The following CABIN1 variants were observed in gnomAD, a reference collection of about 807,000 sequenced individuals.
CABIN1 encodes the protein calcineurin-binding protein cabin-1.
Under a neutral mutation model 227.7 loss-of-function variants are expected in CABIN1, and 133 were observed. The ratio of observed to expected loss-of-function variants is 0.58; its 90% confidence interval spans 0.51 to 0.67. The LOEUF (loss-of-function observed/expected upper bound fraction) is 0.67. Among genes scored for constraint, CABIN1 ranks in the 30% least tolerant of loss-of-function variants. The pLI is 0.00. For missense variants in CABIN1, 2,408 were observed against 2,852.5 expected (o/e 0.84, Z 3.55); for synonymous variants, 1,086 against 1,155.1 (o/e 0.94, Z 1.21).
chr22:24,034,639 T>C (rs1334180510), intron 1 of CABIN1, among the ~76,000 whole-genome samples: 5 of 152,204 alleles, frequency 3.3e-5, no homozygotes, highest in African/African-American at 1.2e-4. Flanking sequence ...TGGAATTCCC[T>C]GGTCATATGC....
chr22:24,061,688 G>A (rs1287295705), intron 12 of CABIN1, among the ~76,000 whole-genome samples: 1 of 152,224 alleles, frequency 6.6e-6, no homozygotes, highest in Non-Finnish European at 1.5e-5. Flanking sequence ...AGGTGACAGG[G>A]CTGCCTCTTC....
At chr22:24,044,880 G>A (rs544737450) in intron 6 of CABIN1, among the ~76,000 whole-genome samples, 5 of 150,600 alleles carry the variant, frequency 3.3e-5, no homozygotes, top group South Asian at 2.1e-4. Flanking sequence ...GATGGAAGCC[G>A]TCTCTGTACC....
rs762732651 is a variant in CABIN1, at chr22:24,043,065, C to T, written c.507C>T (p.Tyr169=). The T allele has an allele frequency of 9.3e-6, 15 of 1,613,782 alleles. No individual in the cohort carries two copies. The Admixed American group carries it at 2.3e-4, about 25-fold the overall frequency. The change falls in exon 6 of 37, where the codon TAC becomes TAT. Residue 169 remains tyrosine (Y), a synonymous_variant. Coordinates refer to ENST00000263119, the MANE Select transcript of CABIN1 (RefSeq NM_012295.4). ...TGGATAACCTAATCACTGTCCTGTA[C>T]ACCCTCAGTGATTACACAAGTGAGT... ...PCLDNLITVL[Y]TLSDYTTCLY... is the part of the protein sequence containing the mutation.
intron 4 of CABIN1, 124 bp downstream of exon 4, chr22:24,038,585 C>T (rs2037114338): frequency 4.2e-6 from 3 of 720,160 alleles, no homozygotes; most frequent in Non-Finnish European, 7.5e-6. Flanking sequence ...AACATTATTT[C>T]ACCTCTCTGC....
intron 29 of CABIN1, among the ~76,000 whole-genome samples, chr22:24,159,191 G>T (rs767688527): frequency 6.6e-6 from 1 of 152,214 alleles, no homozygotes; most frequent in Admixed American, 6.5e-5. Context: ...GAGAGATGCA[G>T]CCCTCCTGCC....
chr22:24,043,307 C>CTTTTTTTTTTT (rs745547509), intron 6 of CABIN1, among the ~76,000 whole-genome samples: 23 of 71,084 alleles, frequency 3.2e-4, no homozygotes, highest in East Asian at 7.8e-4. Context: ...AATGATTTTA[C>CTTTTTTTTTTT]TTTTTTTTTT....
At chr22:24,051,294 G>A (rs1381770796) in intron 8 of CABIN1, among the ~76,000 whole-genome samples, 1 of 152,144 alleles carries the variant, frequency 6.6e-6, no homozygotes, top group Non-Finnish European at 1.5e-5. Flanking sequence ...CATTTGCCAA[G>A]CACTTGCCAG....
intron 15 of CABIN1, among the ~76,000 whole-genome samples, chr22:24,064,973 C>G (rs2039504681): frequency 1.3e-5 from 2 of 152,230 alleles, no homozygotes; most frequent in African/African-American, 4.8e-5. Context: ...ACCTTTCCCC[C>G]TTTTCTATTC....
chr22:24,058,169 C>T (rs1331420227), intron 10 of CABIN1, among the ~76,000 whole-genome samples: 1 of 152,140 alleles, frequency 6.6e-6, no homozygotes, highest in Non-Finnish European at 1.5e-5. Context: ...CAGGTGCACA[C>T]CACTATGCCC....
At chr22:24,048,184 AAGG>A (rs1459407804) in intron 6 of CABIN1, among the ~76,000 whole-genome samples, 8 of 152,250 alleles carry the variant, frequency 5.3e-5, no homozygotes, top group East Asian at 1.9e-4. Context: ...TTTTTAAAAA[AAGG>A]AGGAAAATTG....
At position 24,091,817 on chromosome 22, in the gene CABIN1, C is replaced by T. The variant is rs2041561686; in HGVS notation, c.3760C>T (p.Pro1254Ser). The T allele has an allele frequency of 1.9e-6, 3 of 1,613,642 alleles. No individual in the cohort carries two copies. Among genetic ancestry groups the T allele is most frequent in the Non-Finnish European group, 2.5e-6 (3 of 1,179,912 alleles). Residue 1254 changes from proline (P) to serine (S), a missense_variant, in exon 24 of 37, where the codon CCT becomes TCT. Physicochemically the swap from Pro to Ser is moderately conservative, Grantham distance 74. This residue lies in a region of CABIN1 where 649 missense variants were observed against 910.3 expected (regional missense o/e 0.71). Coordinates refer to ENST00000263119, the MANE Select transcript of CABIN1 (RefSeq NM_012295.4). ...YPKKIHYHNP[P>S]ELAMEALEVY... ...CAAGAAGATCCACTACCACAACCCA[C>T]CTGAGCTGGCCATGGAGGCCCTGGA... is the stretch of plus-strand genomic sequence containing the variant.
intron 28 of CABIN1, among the ~76,000 whole-genome samples, chr22:24,129,411 C>T (rs1245428158): frequency 6.6e-6 from 1 of 152,160 alleles, no homozygotes; most frequent in Non-Finnish European, 1.5e-5. Context: ...GCTTAGCTGG[C>T]CCCAGGGAGC....
intron 16 of CABIN1, among the ~76,000 whole-genome samples, chr22:24,068,412 A>C (rs1045062071): frequency 6.6e-6 from 1 of 152,236 alleles, no homozygotes; most frequent in Non-Finnish European, 1.5e-5. Flanking sequence ...CTCTGCCTCC[A>C]TAGGATGGCC....
chr22:24,140,103 C>T (rs2044662733), intron 29 of CABIN1, among the ~76,000 whole-genome samples: 1 of 152,202 alleles, frequency 6.6e-6, no homozygotes, highest in South Asian at 2.1e-4. Context: ...TAGAGGCACC[C>T]TCGGGGGAAC....
intron 28 of CABIN1, among the ~76,000 whole-genome samples, chr22:24,131,798 G>C (rs937044197): frequency 6.6e-6 from 1 of 152,194 alleles, no homozygotes; most frequent in African/African-American, 2.4e-5. Flanking sequence ...AGGCACGGTG[G>C]CTCGCGCCTG....
chr22:24,088,687 A>T (rs1450116772), intron 23 of CABIN1, among the ~76,000 whole-genome samples: 1 of 152,168 alleles, frequency 6.6e-6, no homozygotes. Context: ...TTAAGGGCAA[A>T]GCTCAAATCC....
Position 24,057,231 on chromosome 22 carries a change from C to T in CABIN1, c.1262+871C>T, listed in dbSNP as rs975572286. Among the ~76,000 whole-genome samples the T allele has an allele frequency of 6.8e-5, 10 of 146,430 alleles. No homozygotes were observed. In the East Asian group the frequency reaches 8.1e-4, roughly 12 times the overall value. On this transcript the variant is annotated intron_variant, in intron 10 of 36. Transcript: ENST00000263119. ...GATTATAGGCATGAGCCACGGCGCC[C>T]GGCCAGTCCTTCTGCTTTTTGTCCT...
At chr22:24,039,315 T>C (rs1489705858) in intron 4 of CABIN1, among the ~76,000 whole-genome samples, 1 of 152,144 alleles carries the variant, frequency 6.6e-6, no homozygotes, top group African/African-American at 2.4e-5. Context: ...AGCAAAAACC[T>C]TGATGGTTTT....
In CABIN1 at chr22:24,067,180, A is replaced by T; in HGVS notation, c.2231A>T (p.Gln744Leu). 1 of 1,614,244 alleles carries T rather than the reference A, an allele frequency of 6.2e-7. No individual in the cohort carries two copies. Among genetic ancestry groups the T allele is most frequent in the Non-Finnish European group, 8.5e-7 (1 of 1,180,040 alleles). ...PERPAQLLLL[Q>L]DSLLRLKDYR... ...AGGCCAGCCCAGCTGCTTCTTCTGC[A>T]GGTGTGTGCTGCCAGTGTCCCTCAC... Residue 744 changes from glutamine (Q) to leucine (L), a missense_variant and splice_region_variant, in exon 16 of 37, where the codon CAG (glutamine) becomes CTG (leucine). Around this residue, in one of 3 missense-constraint regions of CABIN1, gnomAD observed 1,045 missense variants for 1,168.4 expected, o/e 0.89. Transcript: ENST00000263119.
Sources: gnomAD v4.1 joint callset for allele counts (sites outside exome capture counted in the v4.1 genomes callset) on GRCh38, gnomAD v4.1.1 for gene constraint, gnomAD v4.1.1 regional missense constraint, MANE v1.5 for transcripts, NCBI Gene and HGNC (gene_info 2026-07-23, HGNC 2026-07-21) for gene names.